The following FLT1 variants were observed in gnomAD, a reference collection of about 807,000 sequenced individuals.
The protein encoded by FLT1 is vascular endothelial growth factor receptor 1.
Under a neutral mutation model 156.3 loss-of-function variants are expected in FLT1, and 49 were observed. That is an observed-to-expected ratio of 0.31 (90% CI 0.25 to 0.40). The LOEUF (loss-of-function observed/expected upper bound fraction) is 0.40, where lower values mean the gene tolerates loss of function less well. Among genes scored for constraint, FLT1 ranks in the 10% least tolerant of loss-of-function variants. FLT1 has a pLI of 1.00. For missense variants in FLT1, 1,322 were observed against 1,637.2 expected (o/e 0.81, Z 3.32); for synonymous variants, 594 against 583.8 (o/e 1.02, Z -0.25).
chr13:28,348,900 GA>G (rs1259671255), intron 15 of FLT1, among the ~76,000 whole-genome samples: 2 of 149,558 alleles, frequency 1.3e-5, no homozygotes, highest in African/African-American at 5.0e-5. Context: ...CTGAGCTACA[GA>G]GCGAGACTCC....
intron 17 of FLT1, among the ~76,000 whole-genome samples, chr13:28,336,228 GGC>G (rs1872110580): frequency 6.6e-6 from 1 of 152,240 alleles, no homozygotes; most frequent in Non-Finnish European, 1.5e-5. Context: ...AGAATAAACT[GGC>G]TCTCATTTGG....
chr13:28,391,157 G>C (rs997169823), intron 12 of FLT1, among the ~76,000 whole-genome samples: 2 of 152,160 alleles, frequency 1.3e-5, no homozygotes, highest in African/African-American at 4.8e-5. Flanking sequence ...GGGGTAAAGA[G>C]AATAATTTTA....
chr13:28,433,129 G>A lies in FLT1; in HGVS notation c.813+690C>T, dbSNP rs118119123. ...CAAATGATTGTACTTGAGATATGCC[G>A]CATAAATCATGCTGACACACAAGAA... On this transcript the variant is annotated intron_variant, in intron 6 of 29. Coordinates refer to ENST00000282397, the MANE Select transcript of FLT1 (RefSeq NM_002019.4). Among the ~76,000 whole-genome samples the A allele has an allele frequency of 2.6e-3, 390 of 152,274 alleles. 3 individuals carry two copies. Among genetic ancestry groups the A allele is most frequent in the Admixed American group, 5.1e-3 (78 of 15,294 alleles).
intron 10 of FLT1, among the ~76,000 whole-genome samples, chr13:28,412,393 T>TTTCC (rs1876338743): frequency 1.8e-4 from 24 of 133,298 alleles, no homozygotes; most frequent in African/African-American, 4.9e-4. Flanking sequence ...TCTTTCTTTC[T>TTTCC]TTCTTTCTTT....
intron 1 of FLT1, among the ~76,000 whole-genome samples, 189 bp downstream of exon 1, chr13:28,494,591 C>T (rs1472727876): frequency 6.6e-6 from 1 of 152,172 alleles, no homozygotes; most frequent in Non-Finnish European, 1.5e-5. Flanking sequence ...CGAGGCGCTC[C>T]CTCGGAGAAA....
Position 28,494,802 on chromosome 13 carries a change from C to G in FLT1, c.42G>C (p.Leu14=), listed in dbSNP as rs1289901904. The change falls in exon 1 of 30, where the codon CTG becomes CTC. Residue 14 remains leucine, a synonymous_variant. Transcript: ENST00000282397. ...CACCTGTGAGAAGCAGACAGCTGAG[C>G]AGCGCGCACAGCAGGACCCCGGTGT... ...YWDTGVLLCA[L]LSCLLLTGSS... is the part of the protein sequence containing the mutation. 6.4e-7 allele frequency: 1 copy of G among 1,574,626 alleles called. No homozygotes were observed.
intron 16 of FLT1, among the ~76,000 whole-genome samples, chr13:28,341,286 A>C (rs1308551531): frequency 6.6e-6 from 1 of 152,178 alleles, no homozygotes; most frequent in African/African-American, 2.4e-5. Flanking sequence ...TTAGTTGGCA[A>C]ATATTTATTC....
intron 13 of FLT1, chr13:28,387,314 C>G (rs1252603570): frequency 1.9e-6 from 2 of 1,045,272 alleles, no homozygotes; most frequent in Non-Finnish European, 2.3e-6. Flanking sequence ...TCTAAATGAC[C>G]AATCAACCCA....
intron 14 of FLT1, among the ~76,000 whole-genome samples, chr13:28,378,910 A>T (rs560520438): frequency 1.2e-4 from 19 of 152,342 alleles, no homozygotes; most frequent in African/African-American, 4.6e-4. Context: ...ACATATTAAG[A>T]TATTATAAAA....
chr13:28,398,590 T>C (rs1875212068), intron 11 of FLT1, among the ~76,000 whole-genome samples: 1 of 152,214 alleles, frequency 6.6e-6, no homozygotes, highest in South Asian at 2.1e-4. Flanking sequence ...TTCACTGTGG[T>C]ATAGTGAGTA....
intron 10 of FLT1, among the ~76,000 whole-genome samples, chr13:28,422,315 T>C (rs1593774707): frequency 1.5e-5 from 1 of 66,940 alleles, no homozygotes; most frequent in South Asian, 3.3e-4. Context: ...ACCTAAGTTT[T>C]TTTCCCATGA....
rs114504890 is a variant in FLT1 at position 28,386,602 on chromosome 13, G to A, written c.1970-1571C>T. Reference sequence around the variant, plus strand: ...TCTTGCCCACTAAGCAGAACGTTACGATATTTCTGTTTTTGCATTGGATGC... The same window carrying A: ...TCTTGCCCACTAAGCAGAACGTTACAATATTTCTGTTTTTGCATTGGATGC... On this transcript the variant is annotated intron_variant, in intron 13 of 29. Transcript: ENST00000282397. The A allele has an allele frequency of 4.4e-4, 465 of 1,055,546 alleles. No individual in the cohort carries two copies. The African/African-American group carries it at 7.0e-3, about 16-fold the overall frequency. The allele number at this position is 1,055,546 out of a possible 1,614,324, so 65.4% of individuals were successfully genotyped here.
chr13:28,362,429 G>C, intron 14 of FLT1, among the ~76,000 whole-genome samples: 1 of 152,176 alleles, frequency 6.6e-6, no homozygotes, highest in East Asian at 1.9e-4. Context: ...ACATTTATAA[G>C]AGCAGCTATC....
chr13:28,451,311 T>C (rs561268867), intron 3 of FLT1, among the ~76,000 whole-genome samples: 45 of 152,330 alleles, frequency 3.0e-4, no homozygotes, highest in South Asian at 6.2e-4. Context: ...TAGTCCCAGC[T>C]ACTCGGGAGG....
chr13:28,348,622 T>C (rs535420038), intron 15 of FLT1, among the ~76,000 whole-genome samples: 23 of 151,968 alleles, frequency 1.5e-4, no homozygotes, highest in African/African-American at 4.8e-4. Context: ...TTTTAAAGAG[T>C]TTAGGGGCCG....
At position 28,435,569 on chromosome 13, in the gene FLT1, G is replaced by A. The variant is rs866399774; in HGVS notation, c.514-1349C>T. ...ATACCAAACAGCCACAAAGAAGCTCGAAACCTTTTCTATCGCCTTTTAAAA... is the reference window on the plus strand; with the variant it reads ...ATACCAAACAGCCACAAAGAAGCTCAAAACCTTTTCTATCGCCTTTTAAAA... On this transcript the variant is annotated intron_variant, in intron 4 of 29. Transcript: ENST00000282397. 2.6e-4 allele frequency among the ~76,000 whole-genome samples: 39 copies of A among 152,240 alleles called. 1 individual carries two copies. The Middle Eastern group carries it at 0.027, about 106-fold the overall frequency.
At chr13:28,403,766 G>A (rs921988397) in intron 11 of FLT1, among the ~76,000 whole-genome samples, 2 of 152,140 alleles carry the variant, frequency 1.3e-5, no homozygotes, top group Non-Finnish European at 2.9e-5. Flanking sequence ...TCTGAAGGCC[G>A]GGTGTGGTGG....
At chr13:28,404,043 CAAAA>C (rs67298705) in intron 11 of FLT1, among the ~76,000 whole-genome samples, 3 of 139,696 alleles carry the variant, frequency 2.1e-5, no homozygotes, top group Admixed American at 7.1e-5. Context: ...CTCTTTGTCT[CAAAA>C]AAAAAAAAAA....
intron 13 of FLT1, chr13:28,386,297 G>T (rs971878365): frequency 2.3e-5 from 24 of 1,037,664 alleles, no homozygotes; most frequent in Non-Finnish European, 2.8e-5. Flanking sequence ...AAGCAATTTA[G>T]AAATCCCAGG....
Sources: allele counts gnomAD v4.1 joint callset (sites outside exome capture counted in the v4.1 genomes callset), GRCh38; gene constraint gnomAD v4.1.1; transcripts MANE v1.5; gene names NCBI Gene and HGNC (gene_info 2026-07-23, HGNC 2026-07-21).